ACSF2: variants seen among roughly 807,000 people sequenced by gnomAD.
ACSF2 encodes the protein medium-chain acyl-CoA ligase ACSF2, mitochondrial.
ACSF2 carries 52 observed loss-of-function variants against 79.3 expected under a neutral mutation model. The ratio of observed to expected loss-of-function variants is 0.66; its 90% CI spans 0.53 to 0.83. ACSF2 has a LOEUF of 0.83. ACSF2 is among the 40% of genes least tolerant of loss of function. ACSF2 has a pLI of 0.00. For missense variants in ACSF2, 661 were observed against 803.3 expected (o/e 0.82, Z 2.14); for synonymous variants, 283 against 312.6 (o/e 0.91, Z 1.00).
At chr17:50,469,016 G>A in intron 10 of ACSF2, 1 of 1,351,774 alleles carries the variant, frequency 7.4e-7, no homozygotes, top group South Asian at 1.9e-5. Context: ...CCCTCCACGG[G>A]GAAGGGGGCG....
chr17:50,426,494 G>A (rs908648097), intron 1 of ACSF2, 105 bp downstream of exon 1: 3 of 1,245,550 alleles, frequency 2.4e-6, no homozygotes, highest in East Asian at 3.1e-5. Flanking sequence ...GAGTGCACTG[G>A]GGGGAAGGTA....
Position 50,474,145 on chromosome 17 carries a change from AC to A in ACSF2, c.1729-50del, listed in dbSNP as rs2033240231. 1.9e-6 allele frequency: 3 copies of A among 1,608,562 alleles called. No individual in the cohort carries two copies. The highest frequency in any genetic ancestry group is 3.3e-5 in the Admixed American group (2 of 59,986). ...GGCCAGCCCCTGGTCCCCTACCCAT[AC>A]CCCTGTGAGCTTGCGCAGCCTCACG... On this transcript the variant is annotated intron_variant, in intron 14 of 15. Coordinates refer to ENST00000300441, the MANE Select transcript of ACSF2 (RefSeq NM_025149.6). This position sits in a 1 kb window ranked among gnomAD's most constrained non-coding sequence, Gnocchi z 4.2.
At chr17:50,449,582 ATT>A (rs78156279) in intron 1 of ACSF2, among the ~76,000 whole-genome samples, 6 of 130,770 alleles carry the variant, frequency 4.6e-5, no homozygotes, top group African/African-American at 5.6e-5. Flanking sequence ...TTTTTTTTGT[ATT>A]TTTTTTTTTT....
At chr17:50,462,850 A>G (rs1833135590) in intron 6 of ACSF2, 5 of 582,958 alleles carry the variant, frequency 8.6e-6, no homozygotes, top group Non-Finnish European at 1.2e-5. Context: ...TGGAACTGCT[A>G]CAGGCTGCCC....
intron 1 of ACSF2, chr17:50,426,962 TG>T: frequency 6.5e-7 from 1 of 1,535,776 alleles, no homozygotes; most frequent in Admixed American, 2.0e-5. Context: ...GTAGCTTCAC[TG>T]CCTCTGCAGC....
intron 1 of ACSF2, among the ~76,000 whole-genome samples, chr17:50,438,562 T>C (rs559583755): frequency 7.4e-4 from 112 of 152,116 alleles, no homozygotes; most frequent in Non-Finnish European, 1.4e-3. Context: ...TTTCCAAATA[T>C]TTTTCTTTTT....
chr17:50,468,368 A>G, intron 10 of ACSF2: 1 of 1,614,186 alleles, frequency 6.2e-7, no homozygotes, highest in Non-Finnish European at 8.5e-7. Flanking sequence ...CAAGATGAAG[A>G]GGTTGACCAG....
intron 10 of ACSF2, chr17:50,468,523 G>A (rs957486071): frequency 3.1e-6 from 5 of 1,614,154 alleles, no homozygotes; most frequent in Non-Finnish European, 4.2e-6. Flanking sequence ...GTTGCTTGAG[G>A]CCGCGGAAGG....
chr17:50,447,543 A>AAAT (rs57403403), intron 1 of ACSF2, among the ~76,000 whole-genome samples: 37,324 of 150,498 alleles, frequency 0.25, 4,786 homozygotes, highest in Middle Eastern at 0.36. Flanking sequence ...CTCTGTCTCA[A>AAAT]AATAATAATA....
rs756116808 is a variant in ACSF2 at position 50,474,358 on chromosome 17, G to A, written c.1797+91G>A. 8 of 1,538,242 alleles carry A rather than the reference G, an allele frequency of 5.2e-6. No individual in the cohort carries two copies. Among genetic ancestry groups the A allele is most frequent in the Non-Finnish European group, 7.2e-6 (8 of 1,113,696 alleles). On this transcript the variant is annotated intron_variant, in intron 15 of 15. Coordinates refer to ENST00000300441, the MANE Select transcript of ACSF2 (RefSeq NM_025149.6). The surrounding 1 kb of genome is among the most constrained non-coding windows in gnomAD (Gnocchi z 4.2). ...TGTTTCCTTCAGCAATGGGTGTGGA[G>A]AGACTGGCAGTAGGGTGACCGGGTC...
chr17:50,457,299 G>C (rs2032072911), intron 1 of ACSF2, among the ~76,000 whole-genome samples: 1 of 152,228 alleles, frequency 6.6e-6, no homozygotes, highest in Non-Finnish European at 1.5e-5. Flanking sequence ...GGGCTAGGCA[G>C]TCCCTGGTGG....
chr17:50,429,054 T>C (rs1393443749), intron 1 of ACSF2, among the ~76,000 whole-genome samples: 1 of 152,252 alleles, frequency 6.6e-6, no homozygotes, highest in Middle Eastern at 3.2e-3. Context: ...TGCTTTCCTG[T>C]TGCCCAACAC....
intron 11 of ACSF2, chr17:50,472,130 G>C (rs375963081): frequency 2.6e-6 from 1 of 388,460 alleles, no homozygotes; most frequent in African/African-American, 2.1e-5. Context: ...TTCTTCAGCT[G>C]GCTCTGCAGT....
At chr17:50,469,109 C>G in intron 10 of ACSF2, 2 of 1,120,834 alleles carry the variant, frequency 1.8e-6, no homozygotes, top group Non-Finnish European at 2.2e-6. Flanking sequence ...CCGGCTGTAG[C>G]CCCCCGCTCT....
intron 1 of ACSF2, among the ~76,000 whole-genome samples, chr17:50,434,579 G>A (rs1338720067): frequency 2.6e-5 from 4 of 152,010 alleles, no homozygotes; most frequent in Admixed American, 2.0e-4. Context: ...CCAGCTACTC[G>A]GGAGGCTGAG....
In ACSF2 at chr17:50,474,453, G is replaced by A. The variant is rs780721909; in HGVS notation, c.1798-49G>A. ...AGAGCCTGAGAAACCCCTTATTCTT[G>A]GGTGAACCAAGACAGCTGGTAACCC... On this transcript the variant is annotated intron_variant, in intron 15 of 15. Transcript: ENST00000300441. This position sits in a 1 kb window ranked among gnomAD's most constrained non-coding sequence, Gnocchi z 4.2. 2 of 1,599,282 alleles carry A rather than the reference G, an allele frequency of 1.3e-6. No individual in the cohort carries two copies. The highest frequency in any genetic ancestry group is 2.2e-5 in the South Asian group (2 of 90,692).
chr17:50,428,284 G>A (rs949380837), intron 1 of ACSF2, among the ~76,000 whole-genome samples: 3 of 152,010 alleles, frequency 2.0e-5, no homozygotes, highest in East Asian at 1.9e-4. Flanking sequence ...TCAGGAGACC[G>A]GTTTGGCCAA....
At chr17:50,465,349 G>A in intron 10 of ACSF2, 15 of 1,614,124 alleles carry the variant, frequency 9.3e-6, no homozygotes, top group Non-Finnish European at 1.3e-5. Context: ...TGCAGCTGCG[G>A]AAGGCGTCCG....
intron 1 of ACSF2, among the ~76,000 whole-genome samples, chr17:50,438,868 C>A (rs2030649661): frequency 6.6e-6 from 1 of 152,090 alleles, no homozygotes; most frequent in Non-Finnish European, 1.5e-5. Context: ...TACCTGGCCC[C>A]AGTATTTTTC....
Sources: gnomAD v4.1 joint callset for allele counts (sites outside exome capture counted in the v4.1 genomes callset) on GRCh38, gnomAD v4.1.1 for gene constraint, Gnocchi (gnomAD v3.1) non-coding constraint, MANE v1.5 for transcripts, NCBI Gene and HGNC (gene_info 2026-07-23, HGNC 2026-07-21) for gene names.